TFAP2D: variants seen among roughly 807,000 people sequenced by gnomAD.
TFAP2D encodes transcription factor AP-2-delta.
In TFAP2D, 9 loss-of-function variants were observed where a neutral mutation model predicts 43.6. The ratio of observed to expected loss-of-function variants is 0.21; its 90% CI spans 0.12 to 0.36. The LOEUF (loss-of-function observed/expected upper bound fraction) is 0.36, where lower values mean the gene tolerates loss of function less well. Ranked by LOEUF, TFAP2D falls within the 10% of genes least tolerant of loss-of-function variation. The pLI is 1.00. For missense variants in TFAP2D, 513 were observed against 561.4 expected (o/e 0.91, Z 0.87); for synonymous variants, 256 against 224.9 (o/e 1.14, Z -1.24).
intron 7 of TFAP2D, among the ~76,000 whole-genome samples, chr6:50,759,971 G>C (rs141778303): frequency 1.1e-3 from 166 of 152,118 alleles, no homozygotes; most frequent in African/African-American, 3.8e-3. Flanking sequence ...TAGAGCACTA[G>C]TCAGTCCTAT....
intron 5 of TFAP2D, among the ~76,000 whole-genome samples, chr6:50,741,013 C>T (rs1769035844): frequency 6.6e-6 from 1 of 151,968 alleles, no homozygotes; most frequent in Non-Finnish European, 1.5e-5. Context: ...GCAAATTTAT[C>T]TTTTACGTTC....
chr6:50,746,781 C>T (rs1769130565), intron 6 of TFAP2D, among the ~76,000 whole-genome samples: 1 of 152,128 alleles, frequency 6.6e-6, no homozygotes, highest in Non-Finnish European at 1.5e-5. Context: ...TTGTCCAAGA[C>T]ACTTGAGTCC....
chr6:50,725,745 A>G (rs1484686099), intron 3 of TFAP2D, among the ~76,000 whole-genome samples: 4 of 152,184 alleles, frequency 2.6e-5, no homozygotes, highest in Admixed American at 6.5e-5. Flanking sequence ...CCTTCAATCT[A>G]AAGGCAAAAC....
At chr6:50,759,346 G>A (rs959129164) in intron 7 of TFAP2D, among the ~76,000 whole-genome samples, 2 of 151,970 alleles carry the variant, frequency 1.3e-5, no homozygotes, top group South Asian at 4.1e-4. Context: ...TTGCACCCGT[G>A]TGACCTCTGC....
rs576778156 is a variant in TFAP2D, at chr6:50,754,770, T to A, written c.1139+3446T>A. Among the ~76,000 whole-genome samples the A allele has an allele frequency of 2.0e-5, 3 of 152,058 alleles. No homozygotes were observed. The South Asian group carries it at 6.2e-4, about 32-fold the overall frequency. ...CATATGCTTCTTAGCCATTTCTACA[T>A]CATCTTTGAAAAAATGTTTAAGTTC... On this transcript the variant is annotated intron_variant, in intron 7 of 7. Coordinates refer to ENST00000008391, the MANE Select transcript of TFAP2D (RefSeq NM_172238.4).
At chr6:50,770,127 A>G (rs1351630240) in intron 7 of TFAP2D, among the ~76,000 whole-genome samples, 1 of 152,200 alleles carries the variant, frequency 6.6e-6, no homozygotes, top group Non-Finnish European at 1.5e-5. Flanking sequence ...GGTTGGCTTT[A>G]CCCAGTTCTT....
chr6:50,743,961 G>A (rs1405914295), intron 5 of TFAP2D, among the ~76,000 whole-genome samples: 1 of 152,020 alleles, frequency 6.6e-6, no homozygotes, highest in African/African-American at 2.4e-5. Context: ...CTCTTTTATA[G>A]TCCCCATTAC....
rs957738561 is a variant in TFAP2D, at chr6:50,713,854, A to G, written c.-202A>G. 3 of 699,410 alleles carry G rather than the reference A, an allele frequency of 4.3e-6. No homozygotes were observed. The highest frequency in any genetic ancestry group is 7.0e-6 in the Non-Finnish European group (3 of 426,840). The allele number at this position is 699,410 out of a possible 1,614,324, so 43.3% of individuals were successfully genotyped here. On this transcript the variant is annotated 5_prime_UTR_variant, in exon 1 of 8. Coordinates refer to ENST00000008391, the MANE Select transcript of TFAP2D (RefSeq NM_172238.4). ...GGGAGCTGCTTTTGTGCAGAGGGAA[A>G]ATTTTGTTCCTACAGGTTTTTAAGT...
intron 7 of TFAP2D, 143 bp downstream of exon 7, chr6:50,751,467 T>C (rs537489130): frequency 1.9e-4 from 107 of 554,556 alleles, no homozygotes; most frequent in African/African-American, 1.9e-3. Flanking sequence ...CAAAATACCT[T>C]AGACTGGGTA....
intron 5 of TFAP2D, among the ~76,000 whole-genome samples, chr6:50,734,543 C>T (rs868823501): frequency 2.4e-4 from 37 of 152,160 alleles, no homozygotes; most frequent in African/African-American, 8.4e-4. Flanking sequence ...AGAATTCTTC[C>T]ATCCATAGCT....
At chr6:50,755,338 G>T (rs1769249017) in intron 7 of TFAP2D, among the ~76,000 whole-genome samples, 3 of 151,482 alleles carry the variant, frequency 2.0e-5, no homozygotes, top group Admixed American at 6.6e-5. Context: ...GATAGCAAAA[G>T]TCAGCTTGTT....
At position 50,715,734 on chromosome 6, in the gene TFAP2D, CTCT is replaced by C. The variant is rs1202928583; in HGVS notation, c.537+122_537+124del. ...TCTCTCTCTTCTCCTCTCTCTCTCT[CTCT>C]CTCTCTCTCTCTCACACACACACAC... On this transcript the variant is annotated intron_variant, in intron 2 of 7. Coordinates refer to ENST00000008391, the MANE Select transcript of TFAP2D (RefSeq NM_172238.4). 7 of 742,790 alleles carry C rather than the reference CTCT, an allele frequency of 9.4e-6. No individual in the cohort carries two copies. The African/African-American group carries it at 1.1e-4, about 12-fold the overall frequency. The allele number at this position is 742,790 out of a possible 1,614,324, so 46.0% of individuals were successfully genotyped here.
chr6:50,729,371 G>A, intron 5 of TFAP2D, 59 bp downstream of exon 5: 1 of 1,440,896 alleles, frequency 6.9e-7, no homozygotes, highest in Middle Eastern at 1.8e-4. Flanking sequence ...TTGAAACTCA[G>A]GTTTCTTAAA....
chr6:50,739,300 C>T (rs1204031227), intron 5 of TFAP2D, among the ~76,000 whole-genome samples: 7 of 152,106 alleles, frequency 4.6e-5, no homozygotes, highest in Admixed American at 4.6e-4. Context: ...CAATTCCCAC[C>T]TATGAGTGAG....
chr6:50,730,711 T>A (rs1768875313), intron 5 of TFAP2D, among the ~76,000 whole-genome samples: 1 of 152,080 alleles, frequency 6.6e-6, no homozygotes, highest in Non-Finnish European at 1.5e-5. Flanking sequence ...GAAGAGTCAA[T>A]TGAAAAGATT....
intron 5 of TFAP2D, 24 bp downstream of exon 5, chr6:50,729,336 A>C: frequency 6.3e-7 from 1 of 1,593,386 alleles, no homozygotes; most frequent in Non-Finnish European, 8.6e-7. Context: ...GTTTAGCAAA[A>C]TAATGCTGGA....
In TFAP2D at chr6:50,772,923, T is replaced by G. The variant is rs1057146532; in HGVS notation, c.*59T>G. The G allele has an allele frequency of 5.4e-6, 8 of 1,476,436 alleles. No individual in the cohort carries two copies. The highest frequency in any genetic ancestry group is 7.4e-6 in the Non-Finnish European group (8 of 1,084,152). The allele number at this position is 1,476,436 out of a possible 1,614,324, so 91.5% of individuals were successfully genotyped here. The stretch of plus-strand genomic sequence containing the variant: ...TGCTGCTGATATTTTTTCTAATATA[T>G]ATATCATTGAGGGTGACTAATCTTC... On this transcript the variant is annotated 3_prime_UTR_variant, in exon 8 of 8. Transcript: ENST00000008391.
chr6:50,771,870 G>T (rs1404037236), intron 7 of TFAP2D, among the ~76,000 whole-genome samples: 3 of 152,150 alleles, frequency 2.0e-5, no homozygotes, highest in Admixed American at 1.3e-4. Flanking sequence ...AATACCACTT[G>T]ACCCAGCCAT....
chr6:50,763,960 G>A (rs1332734127), intron 7 of TFAP2D, among the ~76,000 whole-genome samples: 1 of 152,100 alleles, frequency 6.6e-6, no homozygotes, highest in African/African-American at 2.4e-5. Context: ...AGCCTGAAAA[G>A]AGTAAATATT....
Sources: gnomAD v4.1 joint callset for allele counts (sites outside exome capture counted in the v4.1 genomes callset) on GRCh38, gnomAD v4.1.1 for gene constraint, MANE v1.5 for transcripts, NCBI Gene and HGNC (gene_info 2026-07-23, HGNC 2026-07-21) for gene names.